USP10: variants seen among roughly 807,000 people sequenced by gnomAD.
USP10 encodes ubiquitin carboxyl-terminal hydrolase 10.
In USP10, 22 loss-of-function variants were observed where a neutral mutation model predicts 84.5. That is an observed-to-expected ratio of 0.26 (90% CI 0.19 to 0.37). USP10 has a LOEUF of 0.37. Ranked by LOEUF, USP10 falls within the 10% of genes least tolerant of loss-of-function variation. The pLI, the probability that USP10 is intolerant of heterozygous loss-of-function variation, is 1.00. For missense variants in USP10, 1,019 were observed against 998.9 expected (o/e 1.02, Z -0.27); for synonymous variants, 454 against 387.6 (o/e 1.17, Z -2.01).
intron 4 of USP10, among the ~76,000 whole-genome samples, chr16:84,751,313 T>G (rs1423810922): frequency 6.6e-6 from 1 of 152,266 alleles, no homozygotes; most frequent in Non-Finnish European, 1.5e-5. Context: ...TCATTAAGCA[T>G]GGCTGTGTAT....
intron 8 of USP10, among the ~76,000 whole-genome samples, chr16:84,761,642 G>A (rs549762386): frequency 3.9e-5 from 6 of 152,350 alleles, no homozygotes; most frequent in Admixed American, 3.9e-4. Context: ...TTTTACTGAG[G>A]GCTGGTCCCA....
At chr16:84,700,915 T>C (rs963706294) in intron 1 of USP10, among the ~76,000 whole-genome samples, 2 of 151,532 alleles carry the variant, frequency 1.3e-5, no homozygotes, top group African/African-American at 4.9e-5. Context: ...TCACATCTTC[T>C]CCCCCCTCCG....
chr16:84,703,383 C>T (rs1008658467), intron 1 of USP10, among the ~76,000 whole-genome samples: 3 of 152,224 alleles, frequency 2.0e-5, no homozygotes, highest in East Asian at 1.9e-4. Flanking sequence ...CAGTTGGCTT[C>T]TGTCCTTGTC....
chr16:84,733,345 G>A, intron 1 of USP10, 90 bp from the exon 2 acceptor site: 4 of 1,019,464 alleles, frequency 3.9e-6, no homozygotes, highest in Admixed American at 4.1e-5. Context: ...CCCAAATGTT[G>A]CATAGGATTG....
At chr16:84,746,127 A>G (rs1330604262) in intron 4 of USP10, among the ~76,000 whole-genome samples, 1 of 150,472 alleles carries the variant, frequency 6.6e-6, no homozygotes, top group East Asian at 1.9e-4. Flanking sequence ...AATGGATTTT[A>G]TTCAGAATTT....
At chr16:84,734,673 T>G (rs1271723530) in intron 2 of USP10, among the ~76,000 whole-genome samples, 3 of 152,232 alleles carry the variant, frequency 2.0e-5, no homozygotes, top group Non-Finnish European at 4.4e-5. Flanking sequence ...CCTTATAGTT[T>G]GTGGATTTTT....
At chr16:84,754,542 C>T (rs1054469516) in intron 4 of USP10, among the ~76,000 whole-genome samples, 12 of 152,138 alleles carry the variant, frequency 7.9e-5, no homozygotes, top group Non-Finnish European at 8.8e-5. Context: ...AGGTTCCTTG[C>T]AGTTATTGAA....
intron 1 of USP10, among the ~76,000 whole-genome samples, chr16:84,726,153 C>G (rs1012351716): frequency 6.6e-6 from 1 of 152,202 alleles, no homozygotes; most frequent in African/African-American, 2.4e-5. Flanking sequence ...TTGGAACAAC[C>G]TGCATATTTA....
At position 84,759,146 on chromosome 16, in the gene USP10, T is replaced by G. The variant is rs1597379245; in HGVS notation, c.1285-217T>G. 1.5e-5 allele frequency: 9 copies of G among 599,146 alleles called. No homozygotes were observed. The East Asian group carries it at 2.5e-4, about 17-fold the overall frequency. 37.1% of individuals were successfully genotyped at this position (599,146 alleles called of 1,614,324 possible). A position where few individuals can be genotyped will look rare whatever the true frequency, so the allele number is the denominator to read the frequency against. On this transcript the variant is annotated intron_variant, in intron 5 of 13. Coordinates refer to ENST00000219473, the MANE Select transcript of USP10 (RefSeq NM_005153.3). Reference sequence around the variant, plus strand: ...GTCTTGGTTAGGTCAAGTTCTTGAATACAAACGACTGACTGCTTCGTAGAT... The same window carrying G: ...GTCTTGGTTAGGTCAAGTTCTTGAAGACAAACGACTGACTGCTTCGTAGAT...
intron 3 of USP10, among the ~76,000 whole-genome samples, chr16:84,741,061 C>T (rs1910563861): frequency 6.6e-6 from 1 of 152,202 alleles, no homozygotes; most frequent in Admixed American, 6.5e-5. Context: ...CCTTACTGGC[C>T]TCCAGGAAAC....
chr16:84,728,399 G>A (rs1017903408), intron 1 of USP10, among the ~76,000 whole-genome samples: 2 of 151,534 alleles, frequency 1.3e-5, no homozygotes, highest in African/African-American at 2.4e-5. Flanking sequence ...GAGTTCAGTG[G>A]TGCGATCTCG....
At chr16:84,741,063 C>G (rs372029593) in intron 3 of USP10, among the ~76,000 whole-genome samples, 2 of 152,222 alleles carry the variant, frequency 1.3e-5, no homozygotes, top group African/African-American at 4.8e-5. Context: ...TTACTGGCCT[C>G]CAGGAAACTG....
Position 84,779,156 on chromosome 16 carries a change from T to C in USP10, c.*74T>C. On this transcript the variant is annotated 3_prime_UTR_variant, in exon 14 of 14. Coordinates refer to ENST00000219473, the MANE Select transcript of USP10 (RefSeq NM_005153.3). The stretch of plus-strand genomic sequence containing the variant: ...ACCTCACACTCACTTCCCGCCTCTC[T>C]TTAGTGGCTCTTTAGAGAGAAACTC... 2 of 1,519,394 alleles carry C rather than the reference T, an allele frequency of 1.3e-6. No homozygotes were observed. The highest frequency in any genetic ancestry group is 1.8e-6 in the Non-Finnish European group (2 of 1,120,516). The allele number at this position is 1,519,394 out of a possible 1,614,324, so 94.1% of individuals were successfully genotyped here.
At position 84,772,755 on chromosome 16, in the gene USP10, G is replaced by A; in HGVS notation, c.2143+70G>A. Reference sequence around the variant, plus strand: ...TGCACATCAGAAGCTCAACCCTGTAGCATTTCTTTATGATGTCAAGAGTGA... The same window carrying A: ...TGCACATCAGAAGCTCAACCCTGTAACATTTCTTTATGATGTCAAGAGTGA... On this transcript the variant is annotated intron_variant, in intron 12 of 13. Transcript: ENST00000219473. 1.9e-6 allele frequency: 3 copies of A among 1,573,618 alleles called. No individual in the cohort carries two copies. In the African/African-American group the frequency reaches 4.1e-5, roughly 21 times the overall value.
intron 4 of USP10, among the ~76,000 whole-genome samples, chr16:84,757,968 T>C (rs1259748175): frequency 6.6e-6 from 1 of 152,224 alleles, no homozygotes; most frequent in Non-Finnish European, 1.5e-5. Context: ...AGAAGATTCA[T>C]AGTGGGACAG....
chr16:84,704,897 T>TAA, intron 1 of USP10: 2 of 1,535,706 alleles, frequency 1.3e-6, no homozygotes, highest in Non-Finnish European at 8.7e-7. Context: ...TTGGGGCTGT[T>TAA]ACAGCCTGAA....
At chr16:84,715,489 G>T (rs983919679) in intron 1 of USP10, among the ~76,000 whole-genome samples, 1 of 152,182 alleles carries the variant, frequency 6.6e-6, no homozygotes, top group African/African-American at 2.4e-5. Flanking sequence ...TAGGATCTCC[G>T]CCTCCCAAAG....
intron 9 of USP10, 138 bp from the exon 10 acceptor site, chr16:84,763,948 T>TG (rs1370545381): frequency 1.8e-6 from 2 of 1,088,222 alleles, no homozygotes; most frequent in Admixed American, 5.9e-5. Flanking sequence ...TTGCTCCTGT[T>TG]GCGATTGGTT....
chr16:84,745,693 A>C lies in USP10; in HGVS notation c.1192+20A>C. ...TTGCAGGTATAGTTGAAAAGATACAAATCTAGAGTGAAGATGGGAGCAGAC... is the reference window on the plus strand; with the variant it reads ...TTGCAGGTATAGTTGAAAAGATACACATCTAGAGTGAAGATGGGAGCAGAC... On this transcript the variant is annotated intron_variant, in intron 4 of 13. Coordinates refer to ENST00000219473, the MANE Select transcript of USP10 (RefSeq NM_005153.3). The C allele has an allele frequency of 1.9e-6, 3 of 1,587,998 alleles. No homozygotes were observed.
Sources: gnomAD v4.1 joint callset for allele counts (sites outside exome capture counted in the v4.1 genomes callset) on GRCh38, gnomAD v4.1.1 for gene constraint, MANE v1.5 for transcripts, NCBI Gene and HGNC (gene_info 2026-07-23, HGNC 2026-07-21) for gene names.